The following GAB2 variants were observed in gnomAD, a reference collection of about 807,000 sequenced individuals.
GAB2 encodes the protein GRB2-associated-binding protein 2.
In GAB2, 26 loss-of-function variants were observed where a neutral mutation model predicts 65.5. The ratio of observed to expected loss-of-function variants is 0.40; its 90% CI spans 0.29 to 0.55. The LOEUF is 0.55. Among genes scored for constraint, GAB2 ranks in the 20% least tolerant of loss-of-function variants. The pLI is 0.53. For missense variants in GAB2, 884 were observed against 875.8 expected (o/e 1.01, Z -0.12); for synonymous variants, 321 against 329.6 (o/e 0.97, Z 0.28).
At chr11:78,372,703 T>G (rs944315880) in intron 1 of GAB2, among the ~76,000 whole-genome samples, 9 of 152,168 alleles carry the variant, frequency 5.9e-5, no homozygotes, top group Admixed American at 6.5e-5. Context: ...AATTCCAGTC[T>G]TTACATGCTT....
chr11:78,228,445 G>A (rs953687108), intron 3 of GAB2, among the ~76,000 whole-genome samples: 5 of 152,138 alleles, frequency 3.3e-5, no homozygotes, highest in East Asian at 1.9e-4. Flanking sequence ...GGCAAATCTC[G>A]TATACATATA....
intron 1 of GAB2, among the ~76,000 whole-genome samples, chr11:78,290,431 C>T (rs2134603948): frequency 6.6e-6 from 1 of 152,314 alleles, no homozygotes; most frequent in South Asian, 2.1e-4. Context: ...CTGGAAGTTG[C>T]ATCACTCCTA....
At chr11:78,313,777 C>T (rs1432086112) in intron 1 of GAB2, among the ~76,000 whole-genome samples, 2 of 152,100 alleles carry the variant, frequency 1.3e-5, no homozygotes, top group African/African-American at 4.8e-5. Context: ...CTGAAGAGAC[C>T]CTTACTTGCA....
intron 2 of GAB2, among the ~76,000 whole-genome samples, chr11:78,260,502 G>T (rs1484255769): frequency 1.4e-5 from 2 of 145,346 alleles, no homozygotes; most frequent in African/African-American, 2.6e-5. Context: ...ATGGAGTCTT[G>T]CTCTTGTCTC....
rs764981508 is a variant in GAB2, at chr11:78,219,380, C to G, written c.1923G>C (p.Val641=). The G allele has an allele frequency of 6.2e-7, 1 of 1,613,866 alleles. No individual in the cohort carries two copies. The highest frequency in any genetic ancestry group is 8.5e-7 in the Non-Finnish European group (1 of 1,179,934). Reference sequence around the variant, plus strand: ...TCTCCTTGTCCACCTGAACGTAGTCCACCTTCTCATCAGAGGTGACGGATG... The same window carrying G: ...TCTCCTTGTCCACCTGAACGTAGTCGACCTTCTCATCAGAGGTGACGGATG... The part of the protein sequence containing the change: ...STSSVTSDEK[V]DYVQVDKEKT... Residue 641 remains valine, a synonymous_variant, in exon 10 of 10, where the codon GTG becomes GTC. Transcript: ENST00000361507.
chr11:78,225,262 C>T, intron 4 of GAB2, 60 bp from the exon 5 acceptor site: 1 of 1,099,372 alleles, frequency 9.1e-7, no homozygotes, highest in Non-Finnish European at 1.4e-6. Flanking sequence ...GACACTTACC[C>T]ATACCCTCAC....
intron 1 of GAB2, among the ~76,000 whole-genome samples, chr11:78,372,618 T>C (rs1193973563): frequency 6.6e-6 from 1 of 152,186 alleles, no homozygotes; most frequent in Non-Finnish European, 1.5e-5. Context: ...ATGGTATGTA[T>C]AACCTGAATA....
chr11:78,387,087 G>T (rs530967182), intron 1 of GAB2, among the ~76,000 whole-genome samples: 1 of 152,186 alleles, frequency 6.6e-6, no homozygotes, highest in East Asian at 1.9e-4. Context: ...TGTCACCCAG[G>T]CTGGAGTACA....
chr11:78,231,294 C>T (rs1864839618), intron 3 of GAB2, among the ~76,000 whole-genome samples: 1 of 151,804 alleles, frequency 6.6e-6, no homozygotes, highest in African/African-American at 2.4e-5. Flanking sequence ...GAGGCTATTG[C>T]CACCATACAG....
At chr11:78,232,676 AC>A in intron 3 of GAB2, among the ~76,000 whole-genome samples, 2 of 152,360 alleles carry the variant, frequency 1.3e-5, no homozygotes, top group Middle Eastern at 6.8e-3. Flanking sequence ...GATGATAAAT[AC>A]ATAATTCACA....
At chr11:78,225,083 G>A (rs1337690796) in intron 5 of GAB2, 25 bp downstream of exon 5, 3 of 1,499,336 alleles carry the variant, frequency 2.0e-6, no homozygotes, top group Non-Finnish European at 2.8e-6. Context: ...CCGGCCTGAG[G>A]ACCCTTGGGT....
At chr11:78,257,637 C>T (rs748401048) in intron 2 of GAB2, among the ~76,000 whole-genome samples, 3 of 152,166 alleles carry the variant, frequency 2.0e-5, no homozygotes, top group East Asian at 1.9e-4. Flanking sequence ...CAAGACATGA[C>T]GGATGCTTGG....
intron 1 of GAB2, among the ~76,000 whole-genome samples, chr11:78,325,706 A>T (rs1855809512): frequency 6.6e-6 from 1 of 152,192 alleles, no homozygotes; most frequent in Non-Finnish European, 1.5e-5. Context: ...GTGGGCTTTC[A>T]AAGATCTTAC....
intron 1 of GAB2, among the ~76,000 whole-genome samples, chr11:78,400,885 C>T (rs1856960103): frequency 9.1e-6 from 1 of 109,692 alleles, no homozygotes; most frequent in Admixed American, 1.5e-4. Context: ...GCCTGAGTGA[C>T]AGAGTGAGAC....
intron 1 of GAB2, among the ~76,000 whole-genome samples, chr11:78,287,407 G>C (rs1222289108): frequency 6.6e-6 from 1 of 151,996 alleles, no homozygotes; most frequent in Non-Finnish European, 1.5e-5. Context: ...CCTCCTGAGT[G>C]GCTGAGATCA....
intron 1 of GAB2, among the ~76,000 whole-genome samples, chr11:78,383,011 G>A (rs906422091): frequency 5.3e-5 from 8 of 152,144 alleles, no homozygotes; most frequent in African/African-American, 1.9e-4. Flanking sequence ...GGTGGCTCAC[G>A]CCTGTAATCC....
chr11:78,371,583 T>G (rs984842428), intron 1 of GAB2, among the ~76,000 whole-genome samples: 8 of 152,250 alleles, frequency 5.3e-5, no homozygotes, highest in Admixed American at 1.3e-4. Flanking sequence ...TTTATATTTA[T>G]GATCACTCAC....
At chr11:78,297,760 AATGAGCTTGAGAACC>A (rs1370725505) in intron 1 of GAB2, among the ~76,000 whole-genome samples, 1 of 152,214 alleles carries the variant, frequency 6.6e-6, no homozygotes, top group African/African-American at 2.4e-5. Context: ...TATATTGGCA[AATGAGCTTGAGAACC>A]ATGTATTATA....
rs1056893180 is a variant in GAB2, at chr11:78,407,164, G to A, written c.75+10482C>T. ...GATTCTTGGAAGAAGAGAAGAAAGAGGGTAGGACTGAGAAAGTACTTGAAA... is the reference window on the plus strand; with the variant it reads ...GATTCTTGGAAGAAGAGAAGAAAGAAGGTAGGACTGAGAAAGTACTTGAAA... On this transcript the variant is annotated intron_variant, in intron 1 of 9. Transcript: ENST00000361507. Among the ~76,000 whole-genome samples the A allele has an allele frequency of 5.9e-5, 9 of 152,156 alleles. 1 individual carries two copies. The highest frequency in any genetic ancestry group is 1.3e-4 in the Non-Finnish European group (9 of 68,036).
Sources: gnomAD v4.1 joint callset for allele counts (sites outside exome capture counted in the v4.1 genomes callset) on GRCh38, gnomAD v4.1.1 for gene constraint, MANE v1.5 for transcripts, NCBI Gene and HGNC (gene_info 2026-07-23, HGNC 2026-07-21) for gene names.